Variants in MASP1 observed in about 807,000 individuals in gnomAD.
MASP1 encodes the protein mannan-binding lectin serine protease 1.
A neutral mutation model predicts 77.1 loss-of-function variants in MASP1; 59 were observed. That is an observed-to-expected ratio of 0.77 (90% CI 0.62 to 0.95). MASP1 has a LOEUF of 0.95. MASP1 is among the 40% of genes least tolerant of loss of function. MASP1 has a pLI of 0.00. For synonymous variants in MASP1, 362 were observed against 354.5 expected, an observed-to-expected ratio of 1.02 and a Z score of -0.24; for missense variants, 885 against 912.9, an observed-to-expected ratio of 0.97 and a Z score of 0.39.
rs111908734 is a variant in MASP1, at chr3:187,236,118, G to A, written c.1753C>T (p.His585Tyr). 5.6e-6 allele frequency: 9 copies of A among 1,613,730 alleles called. No individual in the cohort carries two copies. Among genetic ancestry groups the A allele is most frequent in the African/African-American group, 5.3e-5 (4 of 74,938 alleles). ...CAGCCGGCCACCAGGCCCAGCATGT[G>A]GGGGGCCGGGCCTTCAGGCTCAAGC... ...PRLEPEGPAP[H>Y]MLGLVAGWGI... The change falls in exon 11 of 11, where the codon CAC becomes TAC. Residue 585 changes from histidine to tyrosine, a missense_variant. His to Tyr is a moderately conservative substitution (Grantham distance 83). Coordinates refer to ENST00000296280, the MANE Select transcript of MASP1 (RefSeq NM_139125.4).
At chr3:187,281,001 C>G (rs2108601546) in intron 2 of MASP1, among the ~76,000 whole-genome samples, 1 of 152,266 alleles carries the variant, frequency 6.6e-6, no homozygotes, top group South Asian at 2.1e-4. Flanking sequence ...CAGTCATCTG[C>G]CCAAGGTTAA....
intron 2 of MASP1, among the ~76,000 whole-genome samples, chr3:187,278,289 A>G (rs1178644128): frequency 6.6e-6 from 1 of 152,246 alleles, no homozygotes; most frequent in Non-Finnish European, 1.5e-5. Context: ...TGCGTTTTGC[A>G]GTACTGATTC....
chr3:187,278,701 C>T (rs949906805), intron 2 of MASP1, among the ~76,000 whole-genome samples: 3 of 152,212 alleles, frequency 2.0e-5, no homozygotes, highest in Non-Finnish European at 4.4e-5. Flanking sequence ...TCTGATTCCT[C>T]CTTTTTCCTC....
At chr3:187,232,891 G>A (rs1312764428), downstream of MASP1, among the ~76,000 whole-genome samples, 1 of 152,172 alleles carries the variant, frequency 6.6e-6, no homozygotes, top group Non-Finnish European at 1.5e-5. Flanking sequence ...AAAAAGGATG[G>A]CATTTTCATT....
At chr3:187,225,128 G>T (rs1374117789) in intron 13 of MASP1, among the ~76,000 whole-genome samples, 1 of 152,194 alleles carries the variant, frequency 6.6e-6, no homozygotes, top group African/African-American at 2.4e-5. Flanking sequence ...CCTTAGGTCT[G>T]ACTGTTTACT....
At chr3:187,218,135 AAAACC>A (rs1340621023) in exon 16 of MASP1, 1 of 152,266 alleles carries the variant, frequency 6.6e-6, no homozygotes. Context: ...CTCCTCCCCC[AAAACC>A]TTCATACCAG....
At chr3:187,261,981 T>G (rs1304645774) in intron 3 of MASP1, among the ~76,000 whole-genome samples, 1 of 152,146 alleles carries the variant, frequency 6.6e-6, no homozygotes, top group East Asian at 1.9e-4. Flanking sequence ...CCAAAATGTA[T>G]TCTGTATGTT....
intron 1 of MASP1, among the ~76,000 whole-genome samples, chr3:187,289,178 C>CA (rs1442478466): frequency 1.4e-5 from 2 of 140,780 alleles, no homozygotes; most frequent in Non-Finnish European, 3.0e-5. Context: ...TCAGAGGCCC[C>CA]CCGTAGGAAC....
chr3:187,247,992 A>G (rs1402480488), intron 8 of MASP1, among the ~76,000 whole-genome samples: 3 of 152,212 alleles, frequency 2.0e-5, no homozygotes, highest in Non-Finnish European at 4.4e-5. Context: ...TGTAAGCCCC[A>G]GAAGCCTGGG....
chr3:187,247,186 G>C, intron 8 of MASP1: 2 of 1,540,548 alleles, frequency 1.3e-6, no homozygotes, highest in Non-Finnish European at 1.8e-6. Context: ...TTCAACTGCT[G>C]AGATCATGTT....
chr3:187,224,731 G>C lies in MASP1; in HGVS notation c.1741+593C>G, dbSNP rs562070212. ...GTGGTACTAGGGATGAGACTCTGAAGTGGGCAGTTCTACTTTGCTAGCTGG... is the reference window on the plus strand; with the variant it reads ...GTGGTACTAGGGATGAGACTCTGAACTGGGCAGTTCTACTTTGCTAGCTGG... On this transcript the variant is annotated intron_variant, in intron 13 of 15. Transcript: ENST00000337774. 1.3e-3 allele frequency among the ~76,000 whole-genome samples: 195 copies of C among 152,326 alleles called. 1 individual carries two copies. Among genetic ancestry groups the C allele is most frequent in the African/African-American group, 4.6e-3 (191 of 41,570 alleles).
At chr3:187,291,573 T>C in intron 1 of MASP1, 55 bp downstream of exon 1, 1 of 1,612,152 alleles carries the variant, frequency 6.2e-7, no homozygotes, top group South Asian at 1.1e-5. Context: ...CCTTCCCTGC[T>C]ATTTGACACT....
intron 13 of MASP1, chr3:187,225,250 G>T: frequency 6.6e-7 from 1 of 1,523,674 alleles, no homozygotes; most frequent in Non-Finnish European, 9.1e-7. Flanking sequence ...TGGCACCAGA[G>T]CTTCACCAAC....
At chr3:187,270,507 G>A (rs922726352) in intron 2 of MASP1, among the ~76,000 whole-genome samples, 6 of 152,006 alleles carry the variant, frequency 3.9e-5, no homozygotes. Context: ...AACATCCACT[G>A]ACCACCACCA....
chr3:187,285,884 G>C lies in MASP1; in HGVS notation c.178C>G (p.Leu60Val), dbSNP rs1166442421. Reference protein sequence around the residue: ...ITVPDGFRIKLYFMHFNLESS... With the variant: ...ITVPDGFRIKVYFMHFNLESS... ...TCCAAGTTGAAGTGCATGAAGTAAA[G>C]CTTGATCCGAAACCCATCTGGGACA... is the stretch of plus-strand genomic sequence containing the variant. Residue 60 changes from leucine (L) to valine (V), a missense_variant, in exon 2 of 11, where the codon CTT (leucine) becomes GTT (valine). Transcript: ENST00000296280. 1 of 1,614,190 alleles carries C rather than the reference G, an allele frequency of 6.2e-7. No homozygotes were observed. The highest frequency in any genetic ancestry group is 1.7e-5 in the Admixed American group (1 of 60,024).
chr3:187,280,552 A>C (rs1292653523), intron 2 of MASP1, among the ~76,000 whole-genome samples: 1 of 152,206 alleles, frequency 6.6e-6, no homozygotes, highest in Non-Finnish European at 1.5e-5. Flanking sequence ...GGACCACTTC[A>C]TCTGGTGCTC....
At chr3:187,265,944 A>G (rs947486126) in intron 2 of MASP1, among the ~76,000 whole-genome samples, 1 of 152,092 alleles carries the variant, frequency 6.6e-6, no homozygotes, top group African/African-American at 2.4e-5. Context: ...CCCGGTTAAT[A>G]TTTGCATCCT....
At chr3:187,258,417 C>T (rs1304837559) in intron 4 of MASP1, among the ~76,000 whole-genome samples, 1 of 152,208 alleles carries the variant, frequency 6.6e-6, no homozygotes, top group Non-Finnish European at 1.5e-5. Context: ...GAACATGGGT[C>T]ATGTGTTGCA....
Position 187,235,655 on chromosome 3 carries a change from G to A in MASP1, c.*29C>T, listed in dbSNP as rs1230401865. On this transcript the variant is annotated 3_prime_UTR_variant, in exon 11 of 11. Transcript: ENST00000296280. ...GAAGTGCGGTGTAGCTTCGCTCAGG[G>A]GAGGCAGGCCCCGAGGAAGTAAGTC... The A allele has an allele frequency of 6.2e-7, 1 of 1,613,266 alleles. No homozygotes were observed. The highest frequency in any genetic ancestry group is 2.2e-5 in the East Asian group (1 of 44,876).
Sources: gnomAD v4.1 joint callset for allele counts (sites outside exome capture counted in the v4.1 genomes callset) on GRCh38, gnomAD v4.1.1 for gene constraint, MANE v1.5 for transcripts, NCBI Gene and HGNC (gene_info 2026-07-23, HGNC 2026-07-21) for gene names.